ACSM2B: variants seen among roughly 807,000 people sequenced by gnomAD.
ACSM2B encodes acyl-CoA synthetase medium chain family member 2B.
In ACSM2B, 58 loss-of-function variants were observed where a neutral mutation model predicts 78.6. The ratio of observed to expected loss-of-function variants is 0.74; its 90% CI spans 0.60 to 0.92. The LOEUF is 0.92. Ranked by LOEUF, ACSM2B falls within the 40% of genes least tolerant of loss-of-function variation. The probability of loss-of-function intolerance (pLI) is 0.00; values close to 1 mark genes in which losing one functional copy is unlikely to be tolerated. For missense variants in ACSM2B, 688 were observed against 711.2 expected (o/e 0.97, Z 0.37); for synonymous variants, 257 against 256.8 (o/e 1.00, Z -0.01).
At chr16:20,570,803 G>C (rs1482905515) in intron 1 of ACSM2B, among the ~76,000 whole-genome samples, 1 of 151,700 alleles carries the variant, frequency 6.6e-6, no homozygotes, top group Non-Finnish European at 1.5e-5. Flanking sequence ...AAGCTAGGAG[G>C]GTTGTATCTT....
chr16:20,544,843 G>A lies in ACSM2B; in HGVS notation c.1281+314C>T, dbSNP rs1331931900. ...GATACCTAGGGGAGAGGGAAAGGCA[G>A]CCCTTGGGGGAATGGTGCTGTGTAT... On this transcript the variant is annotated intron_variant, in intron 10 of 13. Coordinates refer to ENST00000329697, the MANE Select transcript of ACSM2B (RefSeq NM_001105069.2). 3.4e-5 allele frequency: 35 copies of A among 1,028,048 alleles called. No individual in the cohort carries two copies. In the East Asian group the frequency reaches 2.8e-3, roughly 82 times the overall value. 63.7% of individuals were successfully genotyped at this position (1,028,048 alleles called of 1,614,324 possible). A position where few individuals can be genotyped will look rare whatever the true frequency, so the allele number is the denominator to read the frequency against.
At chr16:20,547,421 G>A (rs1456966781) in intron 8 of ACSM2B, 3 of 984,930 alleles carry the variant, frequency 3.0e-6, no homozygotes, top group Non-Finnish European at 2.4e-6. Flanking sequence ...CAGGGTAAGA[G>A]AGTGGAGAGG....
chr16:20,551,083 A>G (rs554782952), intron 6 of ACSM2B, among the ~76,000 whole-genome samples: 2 of 152,344 alleles, frequency 1.3e-5, no homozygotes, highest in African/African-American at 4.8e-5. Flanking sequence ...AAGAAGCCAA[A>G]TGAAAAAGAT....
chr16:20,545,756 G>A (rs191396447), intron 9 of ACSM2B, among the ~76,000 whole-genome samples: 5 of 152,154 alleles, frequency 3.3e-5, no homozygotes, highest in South Asian at 2.1e-4. Flanking sequence ...ATAGTGAATG[G>A]CATGGCAAGT....
chr16:20,542,533 G>A (rs7501408), intron 12 of ACSM2B: 120,017 of 206,926 alleles, frequency 0.58, 39,698 homozygotes, highest in Non-Finnish European at 0.73. Context: ...CCATATCTTC[G>A]TATTGTGAAT....
chr16:20,569,632 G>A (rs1002559778), intron 1 of ACSM2B, among the ~76,000 whole-genome samples: 42 of 151,740 alleles, frequency 2.8e-4, no homozygotes, highest in African/African-American at 9.9e-4. Flanking sequence ...ATTTTGATGG[G>A]AATTGCACTG....
rs1222642876 is a variant in ACSM2B, at chr16:20,548,437, C to T, written c.931G>A (p.Ala311Thr). 1 of 1,613,632 alleles carries T rather than the reference C, an allele frequency of 6.2e-7. No individual in the cohort carries two copies. The highest frequency in any genetic ancestry group is 8.5e-7 in the Non-Finnish European group (1 of 1,179,718). Residue 311 changes from alanine to threonine, a missense_variant, in exon 7 of 14, where the codon GCC (alanine) becomes ACC (threonine). Ala to Thr is a moderately conservative substitution (Grantham distance 58). Transcript: ENST00000329697. ...AGCAACATCCGGTAAACAATAGGGGCACCCATCATACTCTTGATTGGATAA... is the reference window on the plus strand; with the variant it reads ...AGCAACATCCGGTAAACAATAGGGGTACCCATCATACTCTTGATTGGATAA... ...SSYPIKSMMG[A>T]PIVYRMLLQQ...
At chr16:20,537,950 A>C (rs61548716) in intron 13 of ACSM2B, among the ~76,000 whole-genome samples, 9,413 of 150,896 alleles carry the variant, frequency 0.062, 436 homozygotes, top group East Asian at 0.19. Context: ...GCAAAATTAT[A>C]ATATCTCTCC....
intron 1 of ACSM2B, among the ~76,000 whole-genome samples, chr16:20,565,953 C>T (rs955122584): frequency 6.6e-6 from 1 of 151,304 alleles, no homozygotes; most frequent in Non-Finnish European, 1.5e-5. Flanking sequence ...TCACTTTGAG[C>T]GATGGTCTCC....
chr16:20,566,974 T>C (rs933294880), intron 1 of ACSM2B, among the ~76,000 whole-genome samples: 5 of 121,338 alleles, frequency 4.1e-5, no homozygotes, highest in African/African-American at 1.5e-4. Context: ...TATTATATAT[T>C]ATATACTGTT....
At chr16:20,555,521 T>C (rs1304858873) in intron 3 of ACSM2B, 45 bp from the exon 4 acceptor site, 1 of 1,609,788 alleles carries the variant, frequency 6.2e-7, no homozygotes, top group East Asian at 2.2e-5. Flanking sequence ...ATGGTTTTCT[T>C]TGTCCCTAGA....
chr16:20,550,916 A>G (rs1040471645), intron 6 of ACSM2B, among the ~76,000 whole-genome samples: 36 of 152,166 alleles, frequency 2.4e-4, no homozygotes, highest in Non-Finnish European at 4.1e-4. Context: ...CTTCTAGAAA[A>G]TCATCTTAAA....
At chr16:20,545,955 C>G (rs13338397) in intron 9 of ACSM2B, among the ~76,000 whole-genome samples, 1 of 151,964 alleles carries the variant, frequency 6.6e-6, no homozygotes, top group Non-Finnish European at 1.5e-5. Flanking sequence ...TCCCTTGGTC[C>G]GATAAAAGGC....
intron 12 of ACSM2B, chr16:20,542,641 G>A (rs898011946): frequency 8.9e-6 from 4 of 450,102 alleles, no homozygotes; most frequent in African/African-American, 5.9e-5. Flanking sequence ...GGATCATATG[G>A]TAGTTCTGTT....
chr16:20,537,037 C>G lies in ACSM2B; in HGVS notation c.*221G>C. Reference sequence around the variant, plus strand: ...CATTTCCCTGACTTACTTTTCTTTCCTCTTTTTCTGTTACCCTCTCCTTTT... The same window carrying G: ...CATTTCCCTGACTTACTTTTCTTTCGTCTTTTTCTGTTACCCTCTCCTTTT... On this transcript the variant is annotated 3_prime_UTR_variant, in exon 14 of 14. Coordinates refer to ENST00000329697, the MANE Select transcript of ACSM2B (RefSeq NM_001105069.2). 2.2e-6 allele frequency: 1 copy of G among 456,108 alleles called. No individual in the cohort carries two copies. 28.3% of individuals were successfully genotyped at this position (456,108 alleles called of 1,614,324 possible).
At chr16:20,540,860 A>G (rs1008904034) in intron 12 of ACSM2B, 87 bp from the exon 13 acceptor site, 193 of 1,547,968 alleles carry the variant, frequency 1.2e-4, no homozygotes, top group Non-Finnish European at 1.6e-4. Flanking sequence ...TAAGACTTGC[A>G]TCACCCTTGT....
At chr16:20,567,245 T>C (rs2152146972) in intron 1 of ACSM2B, among the ~76,000 whole-genome samples, 1 of 126,384 alleles carries the variant, frequency 7.9e-6, no homozygotes, top group East Asian at 2.1e-4. Flanking sequence ...TATAGTGTAA[T>C]ATATAATATA....
rs1407030722 is a variant in ACSM2B, at chr16:20,547,942, G to A, written c.1098+120C>T. 2.6e-6 allele frequency: 4 copies of A among 1,544,162 alleles called. No homozygotes were observed. The African/African-American group carries it at 4.1e-5, about 16-fold the overall frequency. The stretch of plus-strand genomic sequence containing the variant: ...ACTCAGTACCTGTCCCTTCACAGAG[G>A]CTCAATAAATATTTCTCAAATAAAT... On this transcript the variant is annotated intron_variant, in intron 8 of 13. Transcript: ENST00000329697.
At chr16:20,566,644 AC>A (rs372568590) in intron 1 of ACSM2B, among the ~76,000 whole-genome samples, 216 of 7,558 alleles carry the variant, frequency 0.029, 9 homozygotes, top group African/African-American at 0.095. Flanking sequence ...GTATATATAT[AC>A]TATACTATAT....
Sources: allele counts gnomAD v4.1 joint callset (sites outside exome capture counted in the v4.1 genomes callset), GRCh38; gene constraint gnomAD v4.1.1; transcripts MANE v1.5; gene names NCBI Gene and HGNC (gene_info 2026-07-23, HGNC 2026-07-21).